CD6: variants seen among roughly 807,000 people sequenced by gnomAD.
CD6 encodes the protein T-cell differentiation antigen CD6.
Under a neutral mutation model 75.3 loss-of-function variants are expected in CD6, and 53 were observed. The ratio of observed to expected loss-of-function variants is 0.70; its 90% CI spans 0.56 to 0.88. The LOEUF is 0.88. Among genes scored for constraint, CD6 ranks in the 40% least tolerant of loss-of-function variants. CD6 has a pLI of 0.00. For synonymous variants in CD6, 359 were observed against 381.5 expected, an observed-to-expected ratio of 0.94 and a Z score of 0.69; for missense variants, 770 against 897.1, an observed-to-expected ratio of 0.86 and a Z score of 1.81.
At chr11:60,994,136 A>T (rs1411721560) in intron 1 of CD6, among the ~76,000 whole-genome samples, 1 of 152,056 alleles carries the variant, frequency 6.6e-6, no homozygotes, top group Non-Finnish European at 1.5e-5. Context: ...GGGGCAAAAG[A>T]AAGGTAAAAA....
chr11:61,015,585 A>G (rs1325203831), intron 8 of CD6, 128 bp from the exon 9 acceptor site: 4 of 1,129,674 alleles, frequency 3.5e-6, no homozygotes, highest in Admixed American at 2.2e-5. Context: ...AAGAAAGAAA[A>G]AAAAAGGGGG....
At chr11:60,976,315 C>G (rs1438908136) in intron 1 of CD6, among the ~76,000 whole-genome samples, 2 of 152,170 alleles carry the variant, frequency 1.3e-5, no homozygotes, top group Non-Finnish European at 2.9e-5. Flanking sequence ...ATCAAGTTCT[C>G]TTAAATATTC....
At chr11:61,010,044 C>T (rs920139074) in intron 5 of CD6, among the ~76,000 whole-genome samples, 170 bp downstream of exon 5, 2 of 152,140 alleles carry the variant, frequency 1.3e-5, no homozygotes, top group African/African-American at 2.4e-5. Flanking sequence ...GCTAATTCAT[C>T]GAGGTATTTT....
chr11:61,000,044 T>C (rs1858507483), intron 1 of CD6, among the ~76,000 whole-genome samples: 1 of 150,358 alleles, frequency 6.7e-6, no homozygotes, highest in Non-Finnish European at 1.5e-5. Flanking sequence ...AGAGGGAGAG[T>C]GAGACTCTAT....
chr11:60,979,577 C>T (rs1464522901), intron 1 of CD6, among the ~76,000 whole-genome samples: 1 of 152,106 alleles, frequency 6.6e-6, no homozygotes, highest in African/African-American at 2.4e-5. Context: ...AGCAATTCTC[C>T]TGCCTCAGCC....
In CD6 at chr11:61,008,361, G is replaced by C. The variant is rs1858978033; in HGVS notation, c.470-173G>C. ...CTCTGGTCCCTCCCACCAGCCTGCG[G>C]CTCTACCTAACCCATCTGCAGTCCT... On this transcript the variant is annotated intron_variant, in intron 3 of 12. Transcript: ENST00000313421. The C allele has an allele frequency of 4.7e-6, 3 of 636,578 alleles. No homozygotes were observed. In the Admixed American group the frequency reaches 9.1e-5, roughly 19 times the overall value. The allele number at this position is 636,578 out of a possible 1,614,324, so 39.4% of individuals were successfully genotyped here.
Position 61,008,292 on chromosome 11 carries a change from C to T in CD6, c.470-242C>T, listed in dbSNP as rs1258797770. The stretch of plus-strand genomic sequence containing the variant: ...TTCACAGGGTCCCTAAGCGCTGTGG[C>T]TCCCAGGCTCCCAAACCTGCCCTCC... On this transcript the variant is annotated intron_variant, in intron 3 of 12. Transcript: ENST00000313421. 1.1e-5 allele frequency: 6 copies of T among 535,070 alleles called. No individual in the cohort carries two copies. The East Asian group carries it at 1.7e-4, about 16-fold the overall frequency. 33.1% of individuals were successfully genotyped at this position (535,070 alleles called of 1,614,324 possible).
At position 61,020,268 on chromosome 11, in the gene CD6, G is replaced by C. The variant is rs140758079; in HGVS notation, c.*950G>C. 2.5e-6 allele frequency: 1 copy of C among 398,850 alleles called. No individual in the cohort carries two copies. The highest frequency in any genetic ancestry group is 2.1e-5 in the African/African-American group (1 of 48,602). 24.7% of individuals were successfully genotyped at this position (398,850 alleles called of 1,614,324 possible). ...TGCGTGACTATGTGGTGTTGCACCC[G>C]GGGCTGCAAACGTCTCCGTGCAGCC... On this transcript the variant is annotated 3_prime_UTR_variant, in exon 13 of 13. Transcript: ENST00000313421.
intron 1 of CD6, among the ~76,000 whole-genome samples, chr11:60,996,931 C>A (rs1283366142): frequency 6.6e-6 from 1 of 152,240 alleles, no homozygotes; most frequent in Non-Finnish European, 1.5e-5. Context: ...AAGGCTCAGA[C>A]TGGCAAAGTG....
chr11:60,976,021 A>G (rs1857348873), intron 1 of CD6, among the ~76,000 whole-genome samples: 1 of 152,218 alleles, frequency 6.6e-6, no homozygotes, highest in Non-Finnish European at 1.5e-5. Context: ...ATATTAAGTT[A>G]TTTTTAAAAT....
chr11:61,018,702 C>A, intron 12 of CD6: 1 of 355,064 alleles, frequency 2.8e-6, no homozygotes, highest in Non-Finnish European at 5.2e-6. Flanking sequence ...CCTATAGTCC[C>A]AGCTCCTCAG....
intron 1 of CD6, among the ~76,000 whole-genome samples, chr11:60,989,597 C>T (rs996139853): frequency 3.3e-5 from 5 of 152,296 alleles, no homozygotes; most frequent in African/African-American, 9.6e-5. Context: ...TTACTTTCCA[C>T]GGCAGAGCGC....
intron 1 of CD6, among the ~76,000 whole-genome samples, chr11:61,005,128 C>A (rs564281149): frequency 1.3e-5 from 2 of 152,312 alleles, no homozygotes; most frequent in East Asian, 1.9e-4. Context: ...CAGGCCCACG[C>A]ATCAGTTGGG....
At chr11:61,009,486 G>T in intron 4 of CD6, 86 bp from the exon 5 acceptor site, 9 of 1,218,588 alleles carry the variant, frequency 7.4e-6, no homozygotes, top group Non-Finnish European at 1.0e-5. Flanking sequence ...TGGCTGCATT[G>T]GTGCCTGCAC....
rs1030306849 is a variant in CD6 at position 61,008,556 on chromosome 11, G to A, written c.492G>A (p.Val164=). ...TAGAGAACCGCGCGCTGCGCCTGGT[G>A]GACGGTGGCGGCGCCTGCGCCGGCC... ...TCAENRALRL[V]DGGGACAGRV... is the part of the protein sequence containing the mutation. Residue 164 remains valine, a synonymous_variant, in exon 4 of 13, where the codon GTG becomes GTA. Coordinates refer to ENST00000313421, the MANE Select transcript of CD6 (RefSeq NM_006725.5). 4.4e-6 allele frequency: 7 copies of A among 1,604,850 alleles called. No homozygotes were observed. The highest frequency in any genetic ancestry group is 1.7e-5 in the Admixed American group (1 of 59,226).
intron 1 of CD6, among the ~76,000 whole-genome samples, chr11:60,996,822 C>T (rs545969713): frequency 2.0e-5 from 3 of 152,310 alleles, no homozygotes; most frequent in Non-Finnish European, 4.4e-5. Context: ...GATACTCTTC[C>T]TTTGGGCCGC....
At chr11:60,979,313 T>C (rs1046335308) in intron 1 of CD6, among the ~76,000 whole-genome samples, 4 of 152,146 alleles carry the variant, frequency 2.6e-5, no homozygotes, top group African/African-American at 9.7e-5. Flanking sequence ...TGGGGTCAAG[T>C]GTGGCTGCCT....
At chr11:61,015,063 G>A (rs932924803) in intron 8 of CD6, among the ~76,000 whole-genome samples, 1 of 152,210 alleles carries the variant, frequency 6.6e-6, no homozygotes, top group Admixed American at 6.5e-5. Flanking sequence ...ACCTGTCTGT[G>A]CCTCAGTTCC....
At chr11:60,979,174 C>A (rs1218876930) in intron 1 of CD6, among the ~76,000 whole-genome samples, 1 of 152,210 alleles carries the variant, frequency 6.6e-6, no homozygotes, top group African/African-American at 2.4e-5. Context: ...GTCCTGTGGG[C>A]TCTATTCTAG....
Sources: gnomAD v4.1 joint callset for allele counts (sites outside exome capture counted in the v4.1 genomes callset) on GRCh38, gnomAD v4.1.1 for gene constraint, MANE v1.5 for transcripts, NCBI Gene and HGNC (gene_info 2026-07-23, HGNC 2026-07-21) for gene names.